Variants in SRGAP2 observed in about 807,000 individuals in gnomAD.
SRGAP2 encodes SLIT-ROBO Rho GTPase-activating protein 2.
In SRGAP2, 15 loss-of-function variants were observed where a neutral mutation model predicts 57.2. The observed-to-expected ratio is 0.26, with a 90% CI of 0.18 to 0.40. The LOEUF (loss-of-function observed/expected upper bound fraction) is 0.40, where lower values mean the gene tolerates loss of function less well. SRGAP2 is among the 10% of genes least tolerant of loss of function. The pLI is 1.00. For missense variants in SRGAP2, 520 were observed against 669.6 expected, an observed-to-expected ratio of 0.78 and a Z score of 2.47; for synonymous variants, 249 against 248.0, an observed-to-expected ratio of 1.00 and a Z score of -0.04.
chr1:206,253,862 A>G (rs1669014751), intron 2 of SRGAP2, among the ~76,000 whole-genome samples: 1 of 149,460 alleles, frequency 6.7e-6, no homozygotes, highest in Non-Finnish European at 1.5e-5. Flanking sequence ...TTATAACAGC[A>G]TGAAATAGAC....
intron 5 of SRGAP2, among the ~76,000 whole-genome samples, chr1:206,390,628 TGAAAAAAGA>T (rs1208442703): frequency 6.7e-6 from 1 of 148,732 alleles, no homozygotes; most frequent in Non-Finnish European, 1.5e-5. Flanking sequence ...CAGATTCAGG[TGAAAAAAGA>T]GAAAAAAAAG....
intron 8 of SRGAP2, among the ~76,000 whole-genome samples, chr1:206,404,810 T>A (rs1658549080): frequency 6.6e-6 from 1 of 151,532 alleles, no homozygotes; most frequent in Non-Finnish European, 1.5e-5. Flanking sequence ...ACATGCTGGC[T>A]GCCAGCAGTG....
chr1:206,438,234 C>T (rs1209713777), intron 16 of SRGAP2, 136 bp downstream of exon 16: 3 of 617,986 alleles, frequency 4.9e-6, no homozygotes, highest in East Asian at 5.5e-5. Flanking sequence ...AATTTCTCCT[C>T]AGCCTCACTC....
intron 2 of SRGAP2, among the ~76,000 whole-genome samples, chr1:206,266,384 C>T (rs1300742406): frequency 3.3e-5 from 5 of 152,090 alleles, no homozygotes; most frequent in Admixed American, 6.6e-5. Context: ...GCTAGGATTA[C>T]AGGCATGTGC....
intron 19 of SRGAP2, among the ~76,000 whole-genome samples, chr1:206,451,210 A>C (rs1355351578): frequency 4.6e-5 from 7 of 151,556 alleles, no homozygotes; most frequent in African/African-American, 1.7e-4. Context: ...AGGGAGTGGG[A>C]ATGAGGATGC....
chr1:206,215,338 T>C (rs1301714860), intron 2 of SRGAP2, among the ~76,000 whole-genome samples: 2 of 147,782 alleles, frequency 1.4e-5, no homozygotes, highest in African/African-American at 2.5e-5. Flanking sequence ...TAAACACTTA[T>C]TGTCTGTAGT....
chr1:206,459,295 G>C (rs112938488), intron 22 of SRGAP2, among the ~76,000 whole-genome samples: 26 of 152,202 alleles, frequency 1.7e-4, no homozygotes, highest in Admixed American at 4.6e-4. Context: ...GAAACTGCCC[G>C]ACTGTTGAGG....
intron 2 of SRGAP2, among the ~76,000 whole-genome samples, chr1:206,273,156 C>G (rs1295515532): frequency 6.6e-6 from 1 of 151,982 alleles, no homozygotes; most frequent in Non-Finnish European, 1.5e-5. Context: ...GTTGGAAGTC[C>G]TTGGATCTCA....
At chr1:206,458,194 A>C (rs1553379041) in intron 21 of SRGAP2, among the ~76,000 whole-genome samples, 10 of 152,204 alleles carry the variant, frequency 6.6e-5, no homozygotes, top group Non-Finnish European at 2.9e-5. Flanking sequence ...AGTCATGCTA[A>C]AATTTAGAAA....
At chr1:206,263,529 C>T (rs569944443) in intron 2 of SRGAP2, among the ~76,000 whole-genome samples, 1 of 152,244 alleles carries the variant, frequency 6.6e-6, no homozygotes, top group South Asian at 2.1e-4. Flanking sequence ...CAGATTGCCC[C>T]TCCCTGACCC....
intron 2 of SRGAP2, among the ~76,000 whole-genome samples, chr1:206,247,042 G>A (rs1252229936): frequency 3.5e-5 from 5 of 141,646 alleles, no homozygotes; most frequent in Admixed American, 2.8e-4. Context: ...GGAGGGAGGA[G>A]GGCTTTATTG....
At chr1:206,313,957 C>T (rs1343559484) in intron 3 of SRGAP2, among the ~76,000 whole-genome samples, 2 of 151,768 alleles carry the variant, frequency 1.3e-5, no homozygotes, top group African/African-American at 4.9e-5. Context: ...GAAGAATCTA[C>T]AGGAATTGCT....
intron 10 of SRGAP2, among the ~76,000 whole-genome samples, chr1:206,414,033 C>CTT (rs1202216512): frequency 8.5e-5 from 11 of 128,942 alleles, no homozygotes; most frequent in South Asian, 4.9e-4. Context: ...CTTTTTCTTT[C>CTT]TTTTTTTTTT....
rs142186328 is a variant in SRGAP2, at chr1:206,209,848, C to T, written c.67+3811C>T. Among the ~76,000 whole-genome samples, 530 of 140,030 alleles carry T rather than the reference C, an allele frequency of 3.8e-3. 26 individuals are homozygous for T. In the East Asian group the frequency reaches 0.095, roughly 25 times the overall value. The allele number at this position is 140,030 out of a possible 152,430, so 91.9% of individuals were successfully genotyped here. A position where few individuals can be genotyped will look rare whatever the true frequency, so the allele number is the denominator to read the frequency against. ...TATACTTTAAATCATCTCTAGATTA[C>T]TTATAATACCTAATACAGTGTAAAT... On this transcript the variant is annotated intron_variant, in intron 2 of 22. Transcript: ENST00000573034.
rs538298638 is a variant in SRGAP2 at position 206,249,355 on chromosome 1, A to G, written c.67+43318A>G. Among the ~76,000 whole-genome samples the G allele has an allele frequency of 3.9e-5, 6 of 152,352 alleles. No homozygotes were observed. In the South Asian group the frequency reaches 8.3e-4, roughly 21 times the overall value. On this transcript the variant is annotated intron_variant, in intron 2 of 22. Transcript: ENST00000573034. ...TTGGAACCAACCCAAATGCCCATCAATGATAGACTGGATAAAGAAAATATG... is the reference window on the plus strand; with the variant it reads ...TTGGAACCAACCCAAATGCCCATCAGTGATAGACTGGATAAAGAAAATATG...
At chr1:206,365,232 A>G (rs1303013478) in intron 4 of SRGAP2, among the ~76,000 whole-genome samples, 5 of 136,520 alleles carry the variant, frequency 3.7e-5, no homozygotes, top group Non-Finnish European at 7.8e-5. Flanking sequence ...TCAATGGCCT[A>G]CTTGACCTAG....
At chr1:206,331,971 A>T (rs1674391745) in intron 3 of SRGAP2, among the ~76,000 whole-genome samples, 4 of 61,862 alleles carry the variant, frequency 6.5e-5, no homozygotes, top group African/African-American at 2.7e-4. Flanking sequence ...CATGTTTAGC[A>T]CTTCCTTCAG....
At chr1:206,453,724 G>A (rs564732577) in intron 20 of SRGAP2, 33 of 253,640 alleles carry the variant, frequency 1.3e-4, no homozygotes, top group African/African-American at 6.2e-4. Flanking sequence ...TTCTTTTCTC[G>A]AAAGATCAGG....
At chr1:206,347,093 T>TA (rs1331256801) in intron 4 of SRGAP2, among the ~76,000 whole-genome samples, 1 of 143,728 alleles carries the variant, frequency 7.0e-6, no homozygotes, top group Admixed American at 7.0e-5. Context: ...CTCCCCCACT[T>TA]AAAAAAAATT....
Sources: allele counts gnomAD v4.1 joint callset (sites outside exome capture counted in the v4.1 genomes callset), GRCh38; gene constraint gnomAD v4.1.1; transcripts MANE v1.5; gene names NCBI Gene and HGNC (gene_info 2026-07-23, HGNC 2026-07-21).